DNAH7: variants seen among roughly 807,000 people sequenced by gnomAD.
DNAH7 encodes the protein axonemal beta dynein heavy chain 7.
DNAH7 carries 397 observed loss-of-function variants against 444.6 expected under a neutral mutation model. That is an observed-to-expected ratio of 0.89 (90% CI 0.82 to 0.97). The LOEUF (loss-of-function observed/expected upper bound fraction) is 0.97. Ranked by LOEUF, DNAH7 falls within the 50% of genes least tolerant of loss-of-function variation. The probability of loss-of-function intolerance (pLI) is 0.00; values close to 1 mark genes in which losing one functional copy is unlikely to be tolerated. For missense variants in DNAH7, 4,902 were observed against 4,800.8 expected, an observed-to-expected ratio of 1.02 and a Z score of -0.62; for synonymous variants, 1,636 against 1,624.4, an observed-to-expected ratio of 1.01 and a Z score of -0.17.
chr2:195,871,832 T>G (rs200516918), intron 40 of DNAH7, among the ~76,000 whole-genome samples: 5 of 112,168 alleles, frequency 4.5e-5, no homozygotes, highest in South Asian at 2.4e-4. Flanking sequence ...TTGGGAGGCT[T>G]AGGCAGGAGA....
intron 31 of DNAH7, among the ~76,000 whole-genome samples, chr2:195,891,003 G>A (rs951701688): frequency 6.6e-6 from 1 of 152,210 alleles, no homozygotes; most frequent in African/African-American, 2.4e-5. Flanking sequence ...ATGCTCTGCA[G>A]AACCTGCTAA....
chr2:195,973,378 C>A (rs1334979667), intron 15 of DNAH7, among the ~76,000 whole-genome samples: 1 of 152,128 alleles, frequency 6.6e-6, no homozygotes. Flanking sequence ...AATGTGATAA[C>A]CTAAACATGG....
In DNAH7 at chr2:195,960,825, A is replaced by T; in HGVS notation, c.2326T>A (p.Phe776Ile). 6.2e-7 allele frequency: 1 copy of T among 1,614,152 alleles called. No individual in the cohort carries two copies. Among genetic ancestry groups the T allele is most frequent in the Non-Finnish European group, 8.5e-7 (1 of 1,180,026 alleles). Residue 776 changes from phenylalanine to isoleucine, a missense_variant, in exon 18 of 65, where the codon TTT becomes ATT. Coordinates refer to ENST00000312428, the MANE Select transcript of DNAH7 (RefSeq NM_018897.3). ...YLRLYETAVE[F>I]SSNYRAWTEG... ...GTCCATGCTCTATAGTTGCTGCTAAATTCGACAGCAGTTTCATAAAGACGA... is the reference window on the plus strand; with the variant it reads ...GTCCATGCTCTATAGTTGCTGCTAATTTCGACAGCAGTTTCATAAAGACGA...
chr2:195,872,912 G>T (rs1051903646), intron 39 of DNAH7, among the ~76,000 whole-genome samples: 1 of 151,520 alleles, frequency 6.6e-6, no homozygotes, highest in Non-Finnish European at 1.5e-5. Flanking sequence ...ATTAAAATAC[G>T]TAAAAAAAAT....
At chr2:195,857,355 AT>A (rs1023017628) in intron 44 of DNAH7, 21 bp downstream of exon 44, 11 of 1,522,512 alleles carry the variant, frequency 7.2e-6, no homozygotes, top group South Asian at 1.4e-5. Context: ...TACCAGCTGG[AT>A]TTCTTTTTAT....
chr2:195,807,086 T>C (rs1696748922), intron 53 of DNAH7, among the ~76,000 whole-genome samples: 1 of 151,918 alleles, frequency 6.6e-6, no homozygotes, highest in African/African-American at 2.4e-5. Flanking sequence ...GACAAAATGA[T>C]CCCTATTATG....
intron 21 of DNAH7, among the ~76,000 whole-genome samples, chr2:195,930,272 A>G (rs1688604903): frequency 6.6e-6 from 1 of 152,092 alleles, no homozygotes; most frequent in Admixed American, 6.6e-5. Flanking sequence ...AATCCAGGAG[A>G]TGGGGGTTGC....
At chr2:195,933,333 C>G (rs1433954076) in intron 21 of DNAH7, among the ~76,000 whole-genome samples, 1 of 152,156 alleles carries the variant, frequency 6.6e-6, no homozygotes, top group Non-Finnish European at 1.5e-5. Flanking sequence ...TTGTGAAAGT[C>G]AGTGTGGCGA....
intron 47 of DNAH7, among the ~76,000 whole-genome samples, chr2:195,838,039 C>A (rs959011356): frequency 6.6e-6 from 1 of 152,110 alleles, no homozygotes; most frequent in African/African-American, 2.4e-5. Context: ...TGGAACACTT[C>A]TAAAGAAGCA....
chr2:196,037,556 A>T (rs566308785), intron 5 of DNAH7, among the ~76,000 whole-genome samples: 2 of 152,312 alleles, frequency 1.3e-5, no homozygotes, highest in South Asian at 4.1e-4. Context: ...TAGATGTCAC[A>T]AAAAAGAACC....
chr2:195,775,374 T>C (rs1695015031), intron 60 of DNAH7, among the ~76,000 whole-genome samples: 1 of 152,118 alleles, frequency 6.6e-6, no homozygotes, highest in Admixed American at 6.6e-5. Flanking sequence ...AAAATATGAG[T>C]GTGAATGAAA....
In DNAH7 at chr2:195,776,036, G is replaced by T; in HGVS notation, c.11065-53C>A. 1.9e-6 allele frequency: 3 copies of T among 1,597,024 alleles called. No individual in the cohort carries two copies. The South Asian group carries it at 3.4e-5, about 18-fold the overall frequency. ...GAGGTTAGAAATCAATTACTTTCTA[G>T]AACTTTTCACAGAAAAGAGGCAGTT... On this transcript the variant is annotated intron_variant, in intron 59 of 64. Transcript: ENST00000312428.
In DNAH7 at chr2:195,944,744, G is replaced by A. The variant is rs189274718; in HGVS notation, c.3079-7952C>T. On this transcript the variant is annotated intron_variant, in intron 19 of 64. Coordinates refer to ENST00000312428, the MANE Select transcript of DNAH7 (RefSeq NM_018897.3). ...TTGGCTATATCAAATTTGTAGCTAT[G>A]AGAAATAAAAGGCTCTTTTAGCAAA... Among the ~76,000 whole-genome samples the A allele has an allele frequency of 1.7e-4, 26 of 152,176 alleles. No individual in the cohort carries two copies. In the East Asian group the frequency reaches 4.8e-3, roughly 28 times the overall value.
intron 51 of DNAH7, among the ~76,000 whole-genome samples, chr2:195,811,367 G>A (rs1248880148): frequency 6.6e-6 from 1 of 152,136 alleles, no homozygotes; most frequent in Admixed American, 6.5e-5. Context: ...TTATTTATTT[G>A]TTTGTTTGAC....
intron 5 of DNAH7, among the ~76,000 whole-genome samples, chr2:196,030,759 C>CATGACA (rs1490923651): frequency 1.3e-5 from 2 of 152,248 alleles, no homozygotes; most frequent in Non-Finnish European, 2.9e-5. Flanking sequence ...GACTCCAGGT[C>CATGACA]TCACATCCAG....
chr2:195,950,880 C>CAAAAAAAAAAA (rs1690203616), intron 19 of DNAH7, among the ~76,000 whole-genome samples: 1 of 66,110 alleles, frequency 1.5e-5, no homozygotes, highest in Non-Finnish European at 3.5e-5. Context: ...AAAAAAAAAA[C>CAAAAAAAAAAA]CCAGCTCCTG....
Position 195,845,010 on chromosome 2 carries a change from T to A in DNAH7, c.8937A>T (p.Ile2979=). 1 of 1,612,988 alleles carries A rather than the reference T, an allele frequency of 6.2e-7. No homozygotes were observed. ...AAAAATATTTTTCTTACATTATGAT[T>A]ATCCCATTATCAATGGAAAATGAGT... ...PSDSFSIDNG[I]IIMNARRWPL... The change falls in exon 47 of 65, where the codon ATA becomes ATT. Residue 2979 remains isoleucine, a synonymous_variant. Transcript: ENST00000312428.
At chr2:195,757,253 C>G (rs958826173) in intron 61 of DNAH7, among the ~76,000 whole-genome samples, 1 of 152,158 alleles carries the variant, frequency 6.6e-6, no homozygotes, top group Non-Finnish European at 1.5e-5. Flanking sequence ...CAGTTCTATA[C>G]TGCATTCTGA....
At chr2:196,037,903 A>C (rs1200689095) in intron 5 of DNAH7, among the ~76,000 whole-genome samples, 1 of 152,188 alleles carries the variant, frequency 6.6e-6, no homozygotes, top group Non-Finnish European at 1.5e-5. Context: ...ATCCCCAAAT[A>C]GATTCAATCC....
Sources: allele counts gnomAD v4.1 joint callset (sites outside exome capture counted in the v4.1 genomes callset), GRCh38; gene constraint gnomAD v4.1.1; transcripts MANE v1.5; gene names NCBI Gene and HGNC (gene_info 2026-07-23, HGNC 2026-07-21).